RNF150: variants seen among roughly 807,000 people sequenced by gnomAD.
The protein encoded by RNF150 is ring finger protein 150.
In RNF150, 24 loss-of-function variants were observed where a neutral mutation model predicts 39.3. That is an observed-to-expected ratio of 0.61 (90% CI 0.44 to 0.86). The LOEUF is 0.86. RNF150 is among the 40% of genes least tolerant of loss of function. The pLI, the probability that RNF150 is intolerant of heterozygous loss-of-function variation, is 0.00. For synonymous variants in RNF150, 255 were observed against 227.3 expected (o/e 1.12, Z -1.10); for missense variants, 502 against 587.8 (o/e 0.85, Z 1.51).
At chr4:141,209,033 C>G (rs373645522) in intron 1 of RNF150, among the ~76,000 whole-genome samples, 4 of 151,826 alleles carry the variant, frequency 2.6e-5, no homozygotes, top group African/African-American at 9.7e-5. Context: ...TGGAAGCAAG[C>G]TTGTTCTTTG....
intron 1 of RNF150, among the ~76,000 whole-genome samples, chr4:141,156,712 G>A (rs1727407204): frequency 7.3e-6 from 1 of 136,704 alleles, no homozygotes; most frequent in African/African-American, 2.8e-5. Context: ...TGACCAATAT[G>A]GCAAAACCCT....
chr4:140,953,064 G>C (rs188345542), intron 2 of RNF150, among the ~76,000 whole-genome samples: 1 of 152,122 alleles, frequency 6.6e-6, no homozygotes, highest in Non-Finnish European at 1.5e-5. Context: ...TCTAAACATA[G>C]AACAGATACA....
At chr4:141,194,220 TA>T (rs1166359501) in intron 1 of RNF150, among the ~76,000 whole-genome samples, 1 of 152,214 alleles carries the variant, frequency 6.6e-6, no homozygotes, top group Non-Finnish European at 1.5e-5. Context: ...AAACAATTAC[TA>T]TGAATACAAC....
At chr4:141,040,200 A>G (rs149305880) in intron 1 of RNF150, among the ~76,000 whole-genome samples, 5 of 152,214 alleles carry the variant, frequency 3.3e-5, no homozygotes, top group Admixed American at 3.3e-4. Flanking sequence ...GTAGAGCAAA[A>G]TCAGGTAAAA....
At chr4:141,076,315 C>T (rs1030505377) in intron 1 of RNF150, among the ~76,000 whole-genome samples, 2 of 152,116 alleles carry the variant, frequency 1.3e-5, no homozygotes, top group Non-Finnish European at 2.9e-5. Flanking sequence ...AATTAAATTG[C>T]TTTTTAAAAA....
rs146877076 is a variant in RNF150, at chr4:140,961,283, T to A, written c.735+6340A>T. Reference sequence around the variant, plus strand: ...ATTGAAATGATCTTCTCCAGGTACATGTGACATGAAAGTGGCCATGATTAT... The same window carrying A: ...ATTGAAATGATCTTCTCCAGGTACAAGTGACATGAAAGTGGCCATGATTAT... On this transcript the variant is annotated intron_variant, in intron 2 of 6. Transcript: ENST00000515673. 9.9e-5 allele frequency among the ~76,000 whole-genome samples: 15 copies of A among 152,252 alleles called. No homozygotes were observed. In the East Asian group the frequency reaches 2.3e-3, roughly 24 times the overall value.
chr4:140,906,823 A>T (rs914699636), intron 6 of RNF150, among the ~76,000 whole-genome samples: 2 of 152,088 alleles, frequency 1.3e-5, no homozygotes, highest in Non-Finnish European at 2.9e-5. Flanking sequence ...GGTTCCCTCT[A>T]GTCTGAGATG....
At position 140,939,961 on chromosome 4, in the gene RNF150, C is replaced by T. The variant is rs554709775; in HGVS notation, c.890+7693G>A. Among the ~76,000 whole-genome samples the T allele has an allele frequency of 8.5e-4, 130 of 152,324 alleles. 1 individual carries two copies. Among genetic ancestry groups the T allele is most frequent in the East Asian group, 5.8e-4 (3 of 5,170 alleles). On this transcript the variant is annotated intron_variant, in intron 4 of 6. Coordinates refer to ENST00000515673, the MANE Select transcript of RNF150 (RefSeq NM_020724.2). ...AATTCAGACTTCTAGCATTTCCTAC[C>T]TGGACTTTGCAATAGTCTCCTCACT...
At chr4:141,122,316 C>G (rs1274500307) in intron 1 of RNF150, among the ~76,000 whole-genome samples, 1 of 152,330 alleles carries the variant, frequency 6.6e-6, no homozygotes, top group East Asian at 1.9e-4. Flanking sequence ...TCGCCACCTT[C>G]GGTGGTGTCT....
At chr4:141,022,603 A>G (rs993370153) in intron 1 of RNF150, among the ~76,000 whole-genome samples, 6 of 152,216 alleles carry the variant, frequency 3.9e-5, no homozygotes, top group African/African-American at 1.2e-4. Flanking sequence ...TACTTTGAGC[A>G]TATGGCATTT....
intron 6 of RNF150, among the ~76,000 whole-genome samples, chr4:140,884,624 C>T (rs1010629003): frequency 6.6e-6 from 1 of 152,156 alleles, no homozygotes. Flanking sequence ...AGCTGTGGTA[C>T]TGGAGCTCCC....
chr4:141,093,565 T>C (rs948019722), intron 1 of RNF150, among the ~76,000 whole-genome samples: 7 of 152,176 alleles, frequency 4.6e-5, no homozygotes, highest in African/African-American at 1.4e-4. Context: ...CAGATTTACA[T>C]GGACGGGACT....
chr4:141,077,823 G>T (rs1482522225), intron 1 of RNF150, among the ~76,000 whole-genome samples: 1 of 152,232 alleles, frequency 6.6e-6, no homozygotes, highest in African/African-American at 2.4e-5. Flanking sequence ...AGATTATCAG[G>T]CCACTTCTGA....
intron 1 of RNF150, among the ~76,000 whole-genome samples, chr4:141,034,679 A>AT (rs1736075594): frequency 6.6e-6 from 1 of 152,126 alleles, no homozygotes; most frequent in South Asian, 2.1e-4. Flanking sequence ...AATTGGCCTA[A>AT]TTTTAATATT....
chr4:141,117,749 A>G (rs1490800139), intron 1 of RNF150, among the ~76,000 whole-genome samples: 2 of 152,208 alleles, frequency 1.3e-5, no homozygotes, highest in Non-Finnish European at 2.9e-5. Flanking sequence ...AAGCAAGTGA[A>G]GTATCGAAGA....
intron 1 of RNF150, among the ~76,000 whole-genome samples, chr4:141,173,112 G>A (rs924304121): frequency 1.3e-5 from 2 of 152,040 alleles, no homozygotes; most frequent in African/African-American, 4.8e-5. Flanking sequence ...CAAGAGAGAC[G>A]CTACCTCCAT....
At chr4:140,920,944 A>G (rs1361390127) in intron 5 of RNF150, among the ~76,000 whole-genome samples, 2 of 151,876 alleles carry the variant, frequency 1.3e-5, no homozygotes, top group African/African-American at 4.8e-5. Flanking sequence ...AGAACAAAAA[A>G]CCAAACACTG....
At chr4:141,197,357 G>A (rs983452302) in intron 1 of RNF150, among the ~76,000 whole-genome samples, 6 of 152,004 alleles carry the variant, frequency 3.9e-5, no homozygotes, top group Non-Finnish European at 8.8e-5. Flanking sequence ...TTTTGTAGTA[G>A]ATTATCTTAG....
chr4:140,991,937 T>C (rs375689747), intron 1 of RNF150, among the ~76,000 whole-genome samples: 1 of 152,090 alleles, frequency 6.6e-6, no homozygotes, highest in East Asian at 1.9e-4. Context: ...ATTCTTAAAA[T>C]AATACAAAAT....
Sources: allele counts gnomAD v4.1 joint callset (sites outside exome capture counted in the v4.1 genomes callset), GRCh38; gene constraint gnomAD v4.1.1; transcripts MANE v1.5; gene names NCBI Gene and HGNC (gene_info 2026-07-23, HGNC 2026-07-21).